IQCH: variants seen among roughly 807,000 people sequenced by gnomAD.
IQCH encodes the protein IQ domain-containing protein H.
In IQCH, 98 loss-of-function variants were observed where a neutral mutation model predicts 117.0. The ratio of observed to expected loss-of-function variants is 0.84; its 90% CI spans 0.71 to 0.99. IQCH has a LOEUF of 0.99. Ranked by LOEUF, IQCH falls within the 50% of genes least tolerant of loss-of-function variation. IQCH has a pLI of 0.00. For synonymous variants in IQCH, 412 were observed against 448.2 expected (o/e 0.92, Z 1.02); for missense variants, 1,102 against 1,243.8 (o/e 0.89, Z 1.72).
chr15:67,306,869 C>T lies in IQCH; in HGVS notation c.387+27357C>T, dbSNP rs768005834. On this transcript the variant is annotated intron_variant, in intron 4 of 20. Transcript: ENST00000335894. ...TGGAAACAAGAAGAAATCCCTGGTA[C>T]TGTTCATGTTCCCTCACTGACATCC... 6.5e-6 allele frequency: 10 copies of T among 1,530,304 alleles called. No homozygotes were observed. In the South Asian group the frequency reaches 1.1e-4, roughly 16 times the overall value. 94.8% of individuals were successfully genotyped at this position (1,530,304 alleles called of 1,614,324 possible).
intron 14 of IQCH, among the ~76,000 whole-genome samples, chr15:67,412,399 G>T (rs1380988838): frequency 6.6e-6 from 1 of 152,028 alleles, no homozygotes; most frequent in Non-Finnish European, 1.5e-5. Flanking sequence ...ACAAGTTGTT[G>T]TTGTCTTTTT....
At position 67,476,282 on chromosome 15, in the gene IQCH, A is replaced by C. The variant is rs1366034696; in HGVS notation, c.2799+464A>C. 1.3e-5 allele frequency among the ~76,000 whole-genome samples: 2 copies of C among 152,260 alleles called. No individual in the cohort carries two copies. Among genetic ancestry groups the C allele is most frequent in the Non-Finnish European group, 2.9e-5 (2 of 68,044 alleles). ...CTGGTACATCCAAGGACAAGGCACT[A>C]GCAGATTTGGTTCCTGGTGAGGGCC... is the stretch of plus-strand genomic sequence containing the variant. On this transcript the variant is annotated intron_variant, in intron 18 of 20. Transcript: ENST00000335894. The surrounding 1 kb of genome is among the most constrained non-coding windows in gnomAD (Gnocchi z 4.1).
rs537760508 is a variant in IQCH, at chr15:67,364,626, A to G, written c.753+4741A>G. Among the ~76,000 whole-genome samples, 4 of 152,190 alleles carry G rather than the reference A, an allele frequency of 2.6e-5. No homozygotes were observed. The highest frequency in any genetic ancestry group is 6.5e-5 in the Admixed American group (1 of 15,284). ...TTCACTTTATCTCTTTCATTGATCAATTGTGACCTGATCATTCATAGAAAA... is the reference window on the plus strand; with the variant it reads ...TTCACTTTATCTCTTTCATTGATCAGTTGTGACCTGATCATTCATAGAAAA... On this transcript the variant is annotated intron_variant, in intron 8 of 20. Transcript: ENST00000335894. The surrounding 1 kb of genome is among the most constrained non-coding windows in gnomAD (Gnocchi z 4.1).
At position 67,463,180 on chromosome 15, in the gene IQCH, G is replaced by A. The variant is rs1309776023; in HGVS notation, c.2506-1947G>A. Among the ~76,000 whole-genome samples the A allele has an allele frequency of 6.6e-6, 1 of 152,196 alleles. No homozygotes were observed. The highest frequency in any genetic ancestry group is 1.5e-5 in the Non-Finnish European group (1 of 68,032). Reference sequence around the variant, plus strand: ...ATGTATTTTAACACACAGAGTTGGTGAGCGGGGTAAATACAGGCCTTCTAG... The same window carrying A: ...ATGTATTTTAACACACAGAGTTGGTAAGCGGGGTAAATACAGGCCTTCTAG... On this transcript the variant is annotated intron_variant, in intron 16 of 20. Transcript: ENST00000335894. This position sits in a 1 kb window ranked among gnomAD's most constrained non-coding sequence, Gnocchi z 4.0.
rs917586709 is a variant in IQCH, at chr15:67,385,385, G to T, written c.1456+366G>T. 3.3e-5 allele frequency among the ~76,000 whole-genome samples: 5 copies of T among 152,104 alleles called. No homozygotes were observed. Among genetic ancestry groups the T allele is most frequent in the Admixed American group, 6.6e-5 (1 of 15,256 alleles). On this transcript the variant is annotated intron_variant, in intron 11 of 20. Transcript: ENST00000335894. This position sits in a 1 kb window ranked among gnomAD's most constrained non-coding sequence, Gnocchi z 4.6. ...AGTCTTGTCTCTTATAGTATCTGGG[G>T]AATGTGTGAAAGGTGGTATCAGAAA...
Position 67,446,701 on chromosome 15 carries a change from AC to A in IQCH, c.2506-18425del, listed in dbSNP as rs767116896. Reference sequence around the variant, plus strand: ...TTCCCAGGGCCCTAAAGCTCCACCCACGTTTCTGGAAAGTGCCATAGGACTT... The same window carrying A: ...TTCCCAGGGCCCTAAAGCTCCACCCAGTTTCTGGAAAGTGCCATAGGACTT... On this transcript the variant is annotated intron_variant, in intron 16 of 20. Coordinates refer to ENST00000335894, the MANE Select transcript of IQCH (RefSeq NM_001031715.3). Among the ~76,000 whole-genome samples the A allele has an allele frequency of 9.9e-4, 151 of 152,302 alleles. 1 individual carries two copies. The highest frequency in any genetic ancestry group is 3.4e-3 in the Middle Eastern group (1 of 294).
chr15:67,292,177 T>C (rs1404925473), intron 4 of IQCH, among the ~76,000 whole-genome samples: 1 of 152,166 alleles, frequency 6.6e-6, no homozygotes, highest in African/African-American at 2.4e-5. Flanking sequence ...AAACACTGAA[T>C]CTACCAGTGT....
At chr15:67,460,526 CAA>C (rs2082765994) in intron 16 of IQCH, among the ~76,000 whole-genome samples, 1 of 152,148 alleles carries the variant, frequency 6.6e-6, no homozygotes, top group South Asian at 2.1e-4. Context: ...TAGCCACTGC[CAA>C]AACGTTGGAC....
chr15:67,462,560 G>T (rs1215832050), intron 16 of IQCH, among the ~76,000 whole-genome samples: 1 of 151,902 alleles, frequency 6.6e-6, no homozygotes, highest in Admixed American at 6.6e-5. Context: ...TACACTTAAG[G>T]ATACTGAGAT....
intron 14 of IQCH, among the ~76,000 whole-genome samples, chr15:67,414,482 G>A (rs1375408137): frequency 1.3e-5 from 2 of 151,994 alleles, no homozygotes; most frequent in East Asian, 1.9e-4. Flanking sequence ...AGCTGAGCAG[G>A]AAAGTGAGGC....
chr15:67,415,211 G>A (rs907818146), intron 14 of IQCH, among the ~76,000 whole-genome samples: 2 of 152,160 alleles, frequency 1.3e-5, no homozygotes, highest in African/African-American at 2.4e-5. Flanking sequence ...GTAATTCACA[G>A]TAAAGATCAG....
chr15:67,442,303 G>A (rs1010244047), intron 16 of IQCH, among the ~76,000 whole-genome samples: 4 of 151,918 alleles, frequency 2.6e-5, no homozygotes, highest in African/African-American at 4.8e-5. Context: ...CCAGCTACTC[G>A]GGAGGCTGAG....
chr15:67,271,407 A>G (rs185345644), intron 3 of IQCH, among the ~76,000 whole-genome samples: 93 of 152,314 alleles, frequency 6.1e-4, no homozygotes, highest in African/African-American at 2.2e-3. Context: ...TGGTTTTGGT[A>G]TCAGCATAAT....
rs2083742071 is a variant in IQCH at position 67,494,209 on chromosome 15, A to C, written c.2862-49A>C. 2 of 1,342,180 alleles carry C rather than the reference A, an allele frequency of 1.5e-6. No individual in the cohort carries two copies. The highest frequency in any genetic ancestry group is 2.1e-6 in the Non-Finnish European group (2 of 967,136). The allele number at this position is 1,342,180 out of a possible 1,614,324, so 83.1% of individuals were successfully genotyped here. ...AATGAGAGGGCGATTGTTTTTAAGCATGTGAAGGGAATCGTTGGTAAACTC... is the reference window on the plus strand; with the variant it reads ...AATGAGAGGGCGATTGTTTTTAAGCCTGTGAAGGGAATCGTTGGTAAACTC... On this transcript the variant is annotated intron_variant, in intron 19 of 20. Coordinates refer to ENST00000335894, the MANE Select transcript of IQCH (RefSeq NM_001031715.3). This position sits in a 1 kb window ranked among gnomAD's most constrained non-coding sequence, Gnocchi z 5.5.
At position 67,472,861 on chromosome 15, in the gene IQCH, T is replaced by C. The variant is rs924898150; in HGVS notation, c.2677-2835T>C. Among the ~76,000 whole-genome samples the C allele has an allele frequency of 6.6e-6, 1 of 152,144 alleles. No individual in the cohort carries two copies. The highest frequency in any genetic ancestry group is 1.5e-5 in the Non-Finnish European group (1 of 68,034). On this transcript the variant is annotated intron_variant, in intron 17 of 20. Coordinates refer to ENST00000335894, the MANE Select transcript of IQCH (RefSeq NM_001031715.3). This position sits in a 1 kb window ranked among gnomAD's most constrained non-coding sequence, Gnocchi z 4.3. ...GCTCTTCCTTCAGATTCTTTATGCA[T>C]CACAAACCCCAGTCTGGGAGGAAGG...
intron 16 of IQCH, among the ~76,000 whole-genome samples, chr15:67,442,845 T>C (rs1343273766): frequency 7.0e-6 from 1 of 143,564 alleles, no homozygotes; most frequent in Non-Finnish European, 1.5e-5. Context: ...GATAGATAGA[T>C]AGATAGATAG....
chr15:67,406,738 CT>C lies in IQCH; in HGVS notation c.2097+6434del, dbSNP rs1971922260. The stretch of plus-strand genomic sequence containing the variant: ...CACCTAGGTTAGACTCCCATGCTCC[CT>C]GGGGGATAACTATAGGCAAATTACT... On this transcript the variant is annotated intron_variant, in intron 14 of 20. Transcript: ENST00000335894. This position sits in a 1 kb window ranked among gnomAD's most constrained non-coding sequence, Gnocchi z 4.5. 1 of 152,104 alleles carries C rather than the reference CT, an allele frequency of 6.6e-6. No homozygotes were observed. The highest frequency in any genetic ancestry group is 2.4e-5 in the African/African-American group (1 of 41,380). The allele number at this position is 152,104 out of a possible 1,614,324, so 9.4% of individuals were successfully genotyped here.
rs146163006 is a variant in IQCH, at chr15:67,374,901, T to C, written c.1372+1468T>C. 2.6e-3 allele frequency among the ~76,000 whole-genome samples: 401 copies of C among 152,256 alleles called. 1 individual carries two copies. The highest frequency in any genetic ancestry group is 3.7e-3 in the Non-Finnish European group (253 of 68,020). ...AACTAATTGTGGACCAGACCTGATA[T>C]TATATGGGAAATTTTGTTTTGCTTT... On this transcript the variant is annotated intron_variant, in intron 10 of 20. Transcript: ENST00000335894.
chr15:67,337,220 T>C, intron 5 of IQCH, 125 bp downstream of exon 5: 1 of 985,582 alleles, frequency 1.0e-6, no homozygotes, highest in Non-Finnish European at 1.5e-6. Flanking sequence ...CTCAGACAAG[T>C]CAGGTCCTCA....
Sources: gnomAD v4.1 joint callset for allele counts (sites outside exome capture counted in the v4.1 genomes callset) on GRCh38, gnomAD v4.1.1 for gene constraint, Gnocchi (gnomAD v3.1) non-coding constraint, MANE v1.5 for transcripts, NCBI Gene and HGNC (gene_info 2026-07-23, HGNC 2026-07-21) for gene names.